The following SLC15A1 variants were observed in gnomAD, a reference collection of about 807,000 sequenced individuals.
SLC15A1 encodes the protein solute carrier family 15 member 1.
SLC15A1 carries 83 observed loss-of-function variants against 92.9 expected under a neutral mutation model. The ratio of observed to expected loss-of-function variants is 0.89; its 90% confidence interval spans 0.75 to 1.07. The LOEUF (loss-of-function observed/expected upper bound fraction) is 1.07, where lower values mean the gene tolerates loss of function less well. SLC15A1 is among the 50% of genes least tolerant of loss of function. The probability of loss-of-function intolerance (pLI) is 0.00; values close to 1 mark genes in which losing one functional copy is unlikely to be tolerated. For missense variants in SLC15A1, 857 were observed against 880.1 expected, an observed-to-expected ratio of 0.97 and a Z score of 0.33; for synonymous variants, 322 against 318.2, an observed-to-expected ratio of 1.01 and a Z score of -0.13.
intron 9 of SLC15A1, among the ~76,000 whole-genome samples, chr13:98,713,096 G>T (rs545641458): frequency 6.6e-6 from 1 of 152,028 alleles, no homozygotes; most frequent in African/African-American, 2.4e-5. Context: ...TTGCTCTGTC[G>T]CCTAGGCTGA....
At chr13:98,708,812 A>ATGAGC in intron 14 of SLC15A1, 45 bp from the exon 15 acceptor site, 1 of 1,480,250 alleles carries the variant, frequency 6.8e-7, no homozygotes. Context: ...TTTCACATAG[A>ATGAGC]TGAGCTAAGC....
chr13:98,721,601 GA>G lies in SLC15A1; in HGVS notation c.466-17del. 6.4e-7 allele frequency: 1 copy of G among 1,561,170 alleles called. No individual in the cohort carries two copies. Among genetic ancestry groups the G allele is most frequent in the South Asian group, 1.1e-5 (1 of 87,372 alleles). ...TTTGTTTCTCCTGCAATGAAAAGGA[GA>G]AAGTAAGATGACTTTGGCTATCAAT... is the stretch of plus-strand genomic sequence containing the variant. On this transcript the variant is annotated splice_polypyrimidine_tract_variant and intron_variant, in intron 6 of 22. Coordinates refer to ENST00000376503, the MANE Select transcript of SLC15A1 (RefSeq NM_005073.4).
chr13:98,740,054 C>T (rs1425126922), intron 1 of SLC15A1, among the ~76,000 whole-genome samples: 1 of 152,174 alleles, frequency 6.6e-6, no homozygotes, highest in Non-Finnish European at 1.5e-5. Flanking sequence ...GAAGTCAGAC[C>T]ATGGGGATGA....
At chr13:98,722,699 A>G (rs1379166196) in intron 5 of SLC15A1, among the ~76,000 whole-genome samples, 3 of 152,332 alleles carry the variant, frequency 2.0e-5, no homozygotes, top group Admixed American at 1.3e-4. Context: ...TCCTGAACCA[A>G]TCTTCCTGAA....
intron 15 of SLC15A1, among the ~76,000 whole-genome samples, chr13:98,707,429 G>A (rs1439273560): frequency 6.6e-6 from 1 of 152,172 alleles, no homozygotes; most frequent in Non-Finnish European, 1.5e-5. Context: ...GCCACTCATA[G>A]GAAGTGCTAG....
At chr13:98,703,539 CTTTTTTTTTTTTTTTTTTT>C (rs771426478) in intron 17 of SLC15A1, among the ~76,000 whole-genome samples, 46,297 of 88,820 alleles carry the variant, frequency 0.52, 10,860 homozygotes, top group Middle Eastern at 0.61. Context: ...GCTGCTGCTG[CTTTTTTTTTTTTTTTTTTT>C]TTTTTTTTTT....
At chr13:98,729,009 A>AAAAAAAAAAAAAG (rs2088326489) in intron 1 of SLC15A1, among the ~76,000 whole-genome samples, 1 of 136,818 alleles carries the variant, frequency 7.3e-6, no homozygotes, top group African/African-American at 2.7e-5. Context: ...AAAAAAAACA[A>AAAAAAAAAAAAAG]CAAGCCCCAA....
intron 1 of SLC15A1, among the ~76,000 whole-genome samples, chr13:98,750,112 C>A (rs1247070647): frequency 3.3e-5 from 5 of 151,608 alleles, no homozygotes; most frequent in Non-Finnish European, 7.4e-5. Flanking sequence ...ACACCCAAAG[C>A]AACATTTTTT....
At chr13:98,719,027 G>A (rs1405042817) in intron 8 of SLC15A1, among the ~76,000 whole-genome samples, 4 of 152,150 alleles carry the variant, frequency 2.6e-5, no homozygotes, top group Non-Finnish European at 5.9e-5. Context: ...TCCTTTTCCT[G>A]TAATTCTTTT....
intron 16 of SLC15A1, among the ~76,000 whole-genome samples, chr13:98,705,300 C>T (rs948694591): frequency 6.6e-6 from 1 of 151,432 alleles, no homozygotes; most frequent in Non-Finnish European, 1.5e-5. Context: ...AGGTTGAGTA[C>T]CACGAATCCA....
rs1225956051 is a variant in SLC15A1 at position 98,732,492 on chromosome 13, A to G, written c.5-5633T>C. On this transcript the variant is annotated intron_variant, in intron 1 of 22. Transcript: ENST00000376503. ...GGGGACAGGGAACACAGGAGAAAACAAGAGACTCCCCTCTTCCGCACGACT... is the reference window on the plus strand; with the variant it reads ...GGGGACAGGGAACACAGGAGAAAACGAGAGACTCCCCTCTTCCGCACGACT... Among the ~76,000 whole-genome samples the G allele has an allele frequency of 2.0e-5, 3 of 152,160 alleles. No individual in the cohort carries two copies. The East Asian group carries it at 5.8e-4, about 29-fold the overall frequency.
At chr13:98,747,023 G>T (rs1399274631) in intron 1 of SLC15A1, among the ~76,000 whole-genome samples, 1 of 152,140 alleles carries the variant, frequency 6.6e-6, no homozygotes, top group Non-Finnish European at 1.5e-5. Context: ...GAGAGAAGAG[G>T]TGTGGCCCCC....
At chr13:98,751,407 A>T (rs1444656602) in intron 1 of SLC15A1, among the ~76,000 whole-genome samples, 2 of 152,252 alleles carry the variant, frequency 1.3e-5, no homozygotes, top group African/African-American at 4.8e-5. Flanking sequence ...CTCAACAAGG[A>T]TGCTGCTCAG....
At chr13:98,693,822 C>T (rs968301058) in intron 18 of SLC15A1, among the ~76,000 whole-genome samples, 1 of 152,180 alleles carries the variant, frequency 6.6e-6, no homozygotes, top group Non-Finnish European at 1.5e-5. Context: ...AACCTCAGGA[C>T]CCCAAAATCA....
In SLC15A1 at chr13:98,704,382, A is replaced by C. The variant is rs2088095737; in HGVS notation, c.1323T>G (p.Ser441=). The change falls in exon 17 of 23, where the codon TCT becomes TCG. Residue 441 remains serine, a synonymous_variant. Coordinates refer to ENST00000376503, the MANE Select transcript of SLC15A1 (RefSeq NM_005073.4). ...CAGCAGTGACTGGTGATCCAGGAGA[A>C]GAAATGTTTATCCTTGTCAGTTTGT... The part of the protein sequence containing the change: ...DVNKLTRINI[S]SPGSPVTAVT... The C allele has an allele frequency of 1.2e-6, 2 of 1,614,018 alleles. No homozygotes were observed. Among genetic ancestry groups the C allele is most frequent in the East Asian group, 4.5e-5 (2 of 44,876 alleles).
chr13:98,701,302 C>T (rs2088064922), intron 18 of SLC15A1, among the ~76,000 whole-genome samples: 1 of 152,098 alleles, frequency 6.6e-6, no homozygotes, highest in South Asian at 2.1e-4. Flanking sequence ...AGATAGTATA[C>T]ATGAAATAGT....
At chr13:98,724,758 C>A (rs965616822) in intron 4 of SLC15A1, among the ~76,000 whole-genome samples, 9 of 152,196 alleles carry the variant, frequency 5.9e-5, no homozygotes, top group Non-Finnish European at 1.2e-4. Context: ...CAGGTGTGAG[C>A]CACCGCACCC....
At chr13:98,728,086 G>T (rs1221709803) in intron 1 of SLC15A1, among the ~76,000 whole-genome samples, 2 of 152,178 alleles carry the variant, frequency 1.3e-5, no homozygotes, top group Non-Finnish European at 2.9e-5. Flanking sequence ...GTGTGCTTTG[G>T]GAATCACTAC....
intron 18 of SLC15A1, among the ~76,000 whole-genome samples, chr13:98,698,052 C>G (rs1023641123): frequency 6.6e-6 from 1 of 151,666 alleles, no homozygotes; most frequent in African/African-American, 2.4e-5. Context: ...AACTAGGTTA[C>G]GGGGAAAAAA....
Sources: allele counts gnomAD v4.1 joint callset (sites outside exome capture counted in the v4.1 genomes callset), GRCh38; gene constraint gnomAD v4.1.1; transcripts MANE v1.5; gene names NCBI Gene and HGNC (gene_info 2026-07-23, HGNC 2026-07-21).